NRXN3: variants seen among roughly 807,000 people sequenced by gnomAD.
NRXN3 encodes the protein neurexin III.
Under a neutral mutation model 137.6 loss-of-function variants are expected in NRXN3, and 32 were observed. The observed-to-expected ratio is 0.23, with a 90% CI of 0.18 to 0.31. The LOEUF (loss-of-function observed/expected upper bound fraction) is 0.31, where lower values mean the gene tolerates loss of function less well. Ranked by LOEUF, NRXN3 falls within the 10% of genes least tolerant of loss-of-function variation. The pLI is 1.00. For synonymous variants in NRXN3, 798 were observed against 784.5 expected, an observed-to-expected ratio of 1.02 and a Z score of -0.29; for missense variants, 1,574 against 2,062.5, an observed-to-expected ratio of 0.76 and a Z score of 4.59.
At chr14:79,348,619 C>T (rs2093029874) in intron 15 of NRXN3, among the ~76,000 whole-genome samples, 1 of 152,062 alleles carries the variant, frequency 6.6e-6, no homozygotes, top group Non-Finnish European at 1.5e-5. Flanking sequence ...CCTCGTGATC[C>T]GCCCACCTCG....
chr14:78,857,164 G>T lies in NRXN3; in HGVS notation c.2275+46820G>T, dbSNP rs185625311. On this transcript the variant is annotated intron_variant, in intron 10 of 20. Transcript: ENST00000335750. ...CAGATTAAGATGGCATATATGAATT[G>T]TTTTTTTTTTCTTTCTCCCAAAGGC... Among the ~76,000 whole-genome samples the T allele has an allele frequency of 5.9e-3, 878 of 148,526 alleles. 7 individuals are homozygous for T. Among genetic ancestry groups the T allele is most frequent in the African/African-American group, 0.021 (841 of 40,582 alleles).
chr14:79,435,352 G>T (rs187548483), intron 15 of NRXN3, among the ~76,000 whole-genome samples: 1 of 151,340 alleles, frequency 6.6e-6, no homozygotes, highest in African/African-American at 2.4e-5. Flanking sequence ...GAGGTAAGTA[G>T]AGAAAGTTTG....
intron 16 of NRXN3, among the ~76,000 whole-genome samples, chr14:79,481,038 T>C (rs1287248516): frequency 6.6e-6 from 1 of 152,158 alleles, no homozygotes; most frequent in East Asian, 1.9e-4. Context: ...ACAACTTTTC[T>C]CTTAACCACC....
At chr14:78,495,361 T>TA (rs1034686551) in intron 4 of NRXN3, among the ~76,000 whole-genome samples, 2 of 151,872 alleles carry the variant, frequency 1.3e-5, no homozygotes, top group Non-Finnish European at 2.9e-5. Flanking sequence ...AATGCCAGAA[T>TA]AAAAAAATGA....
chr14:79,588,557 G>A (rs563038624), intron 16 of NRXN3, among the ~76,000 whole-genome samples: 1 of 152,296 alleles, frequency 6.6e-6, no homozygotes, highest in Admixed American at 6.5e-5. Context: ...CTCTTCAATT[G>A]TTCTTGAGGC....
At chr14:78,731,695 CTA>C (rs916872645) in intron 8 of NRXN3, among the ~76,000 whole-genome samples, 1 of 148,632 alleles carries the variant, frequency 6.7e-6, no homozygotes, top group Admixed American at 6.8e-5. Flanking sequence ...ATATTCTATT[CTA>C]TATATATATT....
At chr14:78,377,254 G>A (rs1383888322) in intron 4 of NRXN3, among the ~76,000 whole-genome samples, 1 of 152,156 alleles carries the variant, frequency 6.6e-6, no homozygotes, top group African/African-American at 2.4e-5. Context: ...AAAGAAAATA[G>A]GAGTGATGAT....
At chr14:78,816,225 G>A (rs2098932561) in intron 10 of NRXN3, among the ~76,000 whole-genome samples, 2 of 152,000 alleles carry the variant, frequency 1.3e-5, no homozygotes, top group Non-Finnish European at 2.9e-5. Flanking sequence ...ATTATACATG[G>A]AACAAAAGGC....
intron 4 of NRXN3, among the ~76,000 whole-genome samples, chr14:78,300,392 G>A (rs1434396296): frequency 6.6e-6 from 1 of 152,250 alleles, no homozygotes; most frequent in African/African-American, 2.4e-5. Context: ...GAGAAGAAAT[G>A]AATGGGATGG....
At chr14:78,183,051 C>A (rs1452938154) in intron 1 of NRXN3, among the ~76,000 whole-genome samples, 2 of 152,056 alleles carry the variant, frequency 1.3e-5, no homozygotes, top group Non-Finnish European at 2.9e-5. Flanking sequence ...AAGGAGGATC[C>A]CCCACAGTCC....
intron 15 of NRXN3, among the ~76,000 whole-genome samples, chr14:79,200,351 A>T (rs1308999164): frequency 6.6e-6 from 1 of 152,208 alleles, no homozygotes; most frequent in Non-Finnish European, 1.5e-5. Flanking sequence ...AGGATTTGGC[A>T]TATCCATGAT....
At chr14:78,506,613 G>T (rs537113637) in intron 4 of NRXN3, among the ~76,000 whole-genome samples, 32 of 147,646 alleles carry the variant, frequency 2.2e-4, no homozygotes, top group African/African-American at 6.5e-4. Flanking sequence ...ACCCTGACAG[G>T]TGTGAGGTAA....
intron 4 of NRXN3, among the ~76,000 whole-genome samples, chr14:78,585,139 A>AGGG (rs35902147): frequency 1.0e-4 from 12 of 117,446 alleles, no homozygotes; most frequent in African/African-American, 3.7e-4. Context: ...AGGGGAGATA[A>AGGG]GGGGGGGGGG....
intron 4 of NRXN3, among the ~76,000 whole-genome samples, chr14:78,503,751 C>A (rs2095925618): frequency 6.6e-6 from 1 of 152,084 alleles, no homozygotes; most frequent in South Asian, 2.1e-4. Context: ...TGACAACCAA[C>A]AAAAGGAGGA....
intron 16 of NRXN3, among the ~76,000 whole-genome samples, chr14:79,516,300 A>T (rs1255580352): frequency 6.6e-6 from 1 of 152,168 alleles, no homozygotes; most frequent in Non-Finnish European, 1.5e-5. Context: ...CTTGCAGCAG[A>T]GTTAATGCTG....
intron 4 of NRXN3, among the ~76,000 whole-genome samples, chr14:78,471,332 AC>A (rs869228745): frequency 1.8e-4 from 4 of 22,094 alleles, no homozygotes; most frequent in African/African-American, 9.3e-4. Flanking sequence ...ACACACACAC[AC>A]CCCCAAGAAA....
intron 4 of NRXN3, among the ~76,000 whole-genome samples, chr14:78,483,741 A>C (rs1314485762): frequency 1.3e-5 from 2 of 152,154 alleles, no homozygotes; most frequent in African/African-American, 2.4e-5. Flanking sequence ...TCCAGGTGAG[A>C]GGGGAGGACT....
At chr14:78,819,572 C>T (rs1355766430) in intron 10 of NRXN3, among the ~76,000 whole-genome samples, 3 of 152,108 alleles carry the variant, frequency 2.0e-5, no homozygotes, top group African/African-American at 7.2e-5. Context: ...ACTAATTTCT[C>T]ATGGACACCA....
At chr14:78,293,275 C>A (rs149394605) in intron 3 of NRXN3, among the ~76,000 whole-genome samples, 5 of 152,140 alleles carry the variant, frequency 3.3e-5, no homozygotes, top group South Asian at 2.1e-4. Flanking sequence ...CAGGTGCTGA[C>A]CCTCTCATCT....
Sources: gnomAD v4.1 joint callset for allele counts (sites outside exome capture counted in the v4.1 genomes callset) on GRCh38, gnomAD v4.1.1 for gene constraint, MANE v1.5 for transcripts, NCBI Gene and HGNC (gene_info 2026-07-23, HGNC 2026-07-21) for gene names.